The following SLC12A7 variants were observed in gnomAD, a reference collection of about 807,000 sequenced individuals.
SLC12A7 encodes K-Cl cotransporter 4.
SLC12A7 carries 100 observed loss-of-function variants against 120.6 expected under a neutral mutation model. That is an observed-to-expected ratio of 0.83 (90% confidence interval 0.71 to 0.98). The LOEUF is 0.98. Ranked by LOEUF, SLC12A7 falls within the 50% of genes least tolerant of loss-of-function variation. The pLI, the probability that SLC12A7 is intolerant of heterozygous loss-of-function variation, is 0.00. For synonymous variants in SLC12A7, 760 were observed against 678.0 expected (o/e 1.12, Z -1.88); for missense variants, 1,373 against 1,548.1 (o/e 0.89, Z 1.90).
At chr5:1,060,527 A>G in intron 20 of SLC12A7, 76 bp from the exon 21 acceptor site, 1 of 1,163,178 alleles carries the variant, frequency 8.6e-7, no homozygotes, top group African/African-American at 1.5e-5. Flanking sequence ...CCCGGTACCC[A>G]GAGACCGAGC....
At chr5:1,057,772 C>T (rs1735781528) in intron 21 of SLC12A7, 123 bp from the exon 22 acceptor site, 1 of 956,718 alleles carries the variant, frequency 1.0e-6, no homozygotes, top group East Asian at 2.5e-5. Context: ...GTGTGCCTGA[C>T]CCGGGACCCA....
the SLC12A7 span, among the ~76,000 whole-genome samples, chr5:1,117,124 G>A: frequency 7.9e-5 from 12 of 152,270 alleles, no homozygotes; most frequent in Middle Eastern, 3.4e-3. This position sits in a 1 kb window ranked among gnomAD's most constrained non-coding sequence, Gnocchi z 4.5. Flanking sequence ...CCCCAGAGCC[G>A]TGGGGATGGG....
chr5:1,094,059 G>A (rs1353449751), intron 2 of SLC12A7, 95 bp downstream of exon 2: 12 of 902,780 alleles, frequency 1.3e-5, no homozygotes, highest in Non-Finnish European at 2.2e-5. Context: ...CCAGTCCTGT[G>A]GGAGGCCCCG....
chr5:1,087,594 A>AG (rs1194563497), intron 5 of SLC12A7, among the ~76,000 whole-genome samples: 4 of 152,152 alleles, frequency 2.6e-5, no homozygotes, highest in East Asian at 3.9e-4. Context: ...CTGCGGAGGG[A>AG]GACCCCTGGT....
In SLC12A7 at chr5:1,086,931, T is replaced by C. The variant is rs1739923349; in HGVS notation, c.647A>G (p.Tyr216Cys). ...AAAAATCTCGATGGTCCCCAAAATATACATGGCCCCTGCAAACGTCGTGCC... is the reference window on the plus strand; with the variant it reads ...AAAAATCTCGATGGTCCCCAAAATACACATGGCCCCTGCAAACGTCGTGCC... The part of the protein sequence containing the change: ...YLGTTFAGAM[Y>C]ILGTIEIFLT... Residue 216 changes from tyrosine to cysteine, a missense_variant, in exon 6 of 24, where the codon TAT (tyrosine) becomes TGT (cysteine). Coordinates refer to ENST00000264930, the MANE Select transcript of SLC12A7 (RefSeq NM_006598.3). 2 of 1,612,734 alleles carry C rather than the reference T, an allele frequency of 1.2e-6. No homozygotes were observed. The highest frequency in any genetic ancestry group is 3.3e-5 in the Admixed American group (2 of 59,998).
chr5:1,068,382 T>C (rs1737280952), intron 17 of SLC12A7, among the ~76,000 whole-genome samples: 1 of 152,174 alleles, frequency 6.6e-6, no homozygotes, highest in African/African-American at 2.4e-5. Context: ...TGCAGTGAGC[T>C]GAGACGGCGC....
At chr5:1,066,154 C>T (rs1210630412) in intron 17 of SLC12A7, among the ~76,000 whole-genome samples, 2 of 152,224 alleles carry the variant, frequency 1.3e-5, no homozygotes, top group Non-Finnish European at 2.9e-5. Flanking sequence ...CAGGGCCTGC[C>T]CTGCTGGGTC....
At chr5:1,098,152 T>G (rs1366088991) in intron 1 of SLC12A7, among the ~76,000 whole-genome samples, 184 of 64,934 alleles carry the variant, frequency 2.8e-3, no homozygotes, top group Admixed American at 5.0e-3. Context: ...CACAACCCTC[T>G]GCAAGCCCAG....
upstream of SLC12A7, among the ~76,000 whole-genome samples, chr5:1,113,716 T>A (rs142081123): frequency 6.6e-6 from 1 of 152,260 alleles, no homozygotes; most frequent in East Asian, 1.9e-4. Context: ...TTCCCAGGCA[T>A]CCTTATGAGG....
intron 3 of SLC12A7, among the ~76,000 whole-genome samples, chr5:1,092,728 A>AT (rs1260069361): frequency 1.3e-4 from 19 of 150,872 alleles, no homozygotes; most frequent in East Asian, 3.9e-4. Context: ...CCGGTGGATT[A>AT]TTTTTTTTTG....
intron 1 of SLC12A7, among the ~76,000 whole-genome samples, chr5:1,095,445 C>A (rs1219379004): frequency 6.6e-6 from 1 of 152,220 alleles, no homozygotes; most frequent in African/African-American, 2.4e-5. Context: ...CACCCACGCA[C>A]CCCAGGGCCC....
chr5:1,080,548 GAGGGACCAGA>G (rs535497932), intron 9 of SLC12A7, among the ~76,000 whole-genome samples: 107 of 152,364 alleles, frequency 7.0e-4, no homozygotes, highest in African/African-American at 2.3e-3. Context: ...GCAGACGTGG[GAGGGACCAGA>G]AGGGACCAGA....
At chr5:1,079,347 C>T in intron 10 of SLC12A7, 51 bp downstream of exon 10, 1 of 1,429,324 alleles carries the variant, frequency 7.0e-7, no homozygotes, top group Non-Finnish European at 9.9e-7. Flanking sequence ...GGCATGGGGG[C>T]CTCCCCCCAG....
chr5:1,069,583 A>G (rs554286626), intron 17 of SLC12A7, among the ~76,000 whole-genome samples: 67 of 151,804 alleles, frequency 4.4e-4, no homozygotes, highest in African/African-American at 1.5e-3. Flanking sequence ...TCCCACACAC[A>G]TGAGGGGGAA....
chr5:1,096,920 A>G (rs1579421868), intron 1 of SLC12A7, among the ~76,000 whole-genome samples: 4 of 133,920 alleles, frequency 3.0e-5, no homozygotes, highest in Admixed American at 1.5e-4. Flanking sequence ...GAGGGAAGGA[A>G]GGAGGGAGGG....
At chr5:1,114,483 G>A (rs1328312287), upstream of SLC12A7, among the ~76,000 whole-genome samples, 3 of 152,114 alleles carry the variant, frequency 2.0e-5, no homozygotes, top group Non-Finnish European at 2.9e-5. Context: ...CCCTCCCTTC[G>A]CTCTGTGGGT....
the SLC12A7 span, among the ~76,000 whole-genome samples, chr5:1,150,220 C>G: frequency 6.6e-6 from 1 of 152,318 alleles, no homozygotes; most frequent in Admixed American, 6.5e-5. Context: ...TTCTTCTACT[C>G]TGTGTGTGTC....
chr5:1,102,074 T>A (rs1356389378), intron 1 of SLC12A7, among the ~76,000 whole-genome samples: 1 of 152,222 alleles, frequency 6.6e-6, no homozygotes, highest in Admixed American at 6.5e-5. Flanking sequence ...CAGATCCTGA[T>A]GGGCTGGGCC....
the SLC12A7 span, among the ~76,000 whole-genome samples, chr5:1,151,193 C>T: frequency 2.6e-5 from 4 of 152,362 alleles, no homozygotes; most frequent in East Asian, 3.9e-4. The surrounding 1 kb of genome is among the most constrained non-coding windows in gnomAD (Gnocchi z 6.2). Flanking sequence ...CTACCATGAG[C>T]GTTGCTTCCC....
Sources: gnomAD v4.1 joint callset for allele counts (sites outside exome capture counted in the v4.1 genomes callset) on GRCh38, gnomAD v4.1.1 for gene constraint, Gnocchi (gnomAD v3.1) non-coding constraint, MANE v1.5 for transcripts, NCBI Gene and HGNC (gene_info 2026-07-23, HGNC 2026-07-21) for gene names.